WWOX: variants seen among roughly 807,000 people sequenced by gnomAD.
WWOX encodes WW domain-containing oxidoreductase.
In WWOX, 69 loss-of-function variants were observed where a neutral mutation model predicts 46.2. That is an observed-to-expected ratio of 1.49 (90% CI 1.23 to 1.82). WWOX has a LOEUF of 1.82. Among genes scored for constraint, WWOX ranks in the 40% most tolerant of loss-of-function variants. The probability of loss-of-function intolerance (pLI) is 0.00; values close to 1 mark genes in which losing one functional copy is unlikely to be tolerated. For synonymous variants in WWOX, 359 were observed against 202.6 expected (o/e 1.77, Z -6.56); for missense variants, 919 against 542.6 (o/e 1.69, Z -6.89).
intron 8 of WWOX, among the ~76,000 whole-genome samples, chr16:78,568,715 T>TG (rs1283821230): frequency 6.6e-6 from 1 of 152,192 alleles, no homozygotes; most frequent in Non-Finnish European, 1.5e-5. Context: ...CCTTGAGTGA[T>TG]CTACCTGCCT....
chr16:79,051,982 C>T (rs994442378), intron 8 of WWOX, among the ~76,000 whole-genome samples: 4 of 152,084 alleles, frequency 2.6e-5, no homozygotes, highest in African/African-American at 7.2e-5. Context: ...CCACAAGTTA[C>T]TTCGTCCTTC....
At chr16:78,521,128 G>T (rs905223384) in intron 8 of WWOX, among the ~76,000 whole-genome samples, 3 of 152,202 alleles carry the variant, frequency 2.0e-5, no homozygotes, top group Admixed American at 1.3e-4. Flanking sequence ...ACATTTGACA[G>T]CTGTCTTATA....
intron 8 of WWOX, among the ~76,000 whole-genome samples, chr16:78,558,814 A>G (rs1057206141): frequency 5.3e-5 from 8 of 152,284 alleles, no homozygotes; most frequent in African/African-American, 1.9e-4. Context: ...CACCAAACCA[A>G]GTGGCTCTTT....
At chr16:78,153,086 C>G (rs781759700) in intron 4 of WWOX, among the ~76,000 whole-genome samples, 1 of 152,064 alleles carries the variant, frequency 6.6e-6, no homozygotes, top group Non-Finnish European at 1.5e-5. Flanking sequence ...AGCTGTGGAT[C>G]GTGTTTAGTA....
chr16:78,312,167 C>G (rs918191000), intron 5 of WWOX, among the ~76,000 whole-genome samples: 2 of 152,150 alleles, frequency 1.3e-5, no homozygotes, highest in Non-Finnish European at 2.9e-5. Context: ...TCAAGGGTCA[C>G]TTTAAGGTCA....
intron 8 of WWOX, among the ~76,000 whole-genome samples, chr16:79,085,055 T>A (rs574175202): frequency 1.5e-4 from 23 of 152,256 alleles, no homozygotes; most frequent in African/African-American, 5.5e-4. Flanking sequence ...CCTCCCAAAG[T>A]GCTGGGATTA....
chr16:78,508,031 G>A (rs62036420), intron 8 of WWOX, among the ~76,000 whole-genome samples: 21,521 of 143,654 alleles, frequency 0.15, 1,663 homozygotes, highest in Non-Finnish European at 0.17. Context: ...TGTGTGTGAC[G>A]GAGTCTTGCT....
At chr16:79,093,022 T>C (rs1212862328) in intron 8 of WWOX, among the ~76,000 whole-genome samples, 2 of 152,226 alleles carry the variant, frequency 1.3e-5, no homozygotes, top group African/African-American at 2.4e-5. Context: ...AAAACCGCAA[T>C]TACTTTTGCA....
chr16:78,363,966 C>T (rs530544562), intron 5 of WWOX, among the ~76,000 whole-genome samples: 7 of 152,280 alleles, frequency 4.6e-5, no homozygotes, highest in South Asian at 2.1e-4. Context: ...TGCTGACATC[C>T]GACTGACCAA....
intron 4 of WWOX, among the ~76,000 whole-genome samples, chr16:78,141,635 C>T (rs1004300475): frequency 1.3e-5 from 2 of 152,128 alleles, no homozygotes; most frequent in Admixed American, 6.6e-5. Flanking sequence ...GTTACGTAGA[C>T]ATACTTCCAT....
chr16:78,829,228 C>G (rs1448881074), intron 8 of WWOX, among the ~76,000 whole-genome samples: 5 of 152,062 alleles, frequency 3.3e-5, no homozygotes, highest in African/African-American at 9.7e-5. Flanking sequence ...TTATGGAAGC[C>G]CAGAAGTCCC....
chr16:78,894,933 T>C (rs749156101), intron 8 of WWOX, among the ~76,000 whole-genome samples: 1 of 152,152 alleles, frequency 6.6e-6, no homozygotes, highest in South Asian at 2.1e-4. Context: ...CTAATTCTTA[T>C]TACGATAGTT....
intron 8 of WWOX, among the ~76,000 whole-genome samples, chr16:79,070,363 T>C (rs1281442733): frequency 6.6e-6 from 1 of 151,572 alleles, no homozygotes; most frequent in Non-Finnish European, 1.5e-5. Flanking sequence ...GAGAAGTAAA[T>C]TGTGCTTTTA....
intron 4 of WWOX, among the ~76,000 whole-genome samples, chr16:78,132,995 C>T (rs1175524944): frequency 6.6e-6 from 1 of 152,150 alleles, no homozygotes; most frequent in East Asian, 1.9e-4. Flanking sequence ...GGAAAGCGGT[C>T]ATGTTTCTGG....
At chr16:78,952,668 G>C (rs1293115909) in intron 8 of WWOX, among the ~76,000 whole-genome samples, 4 of 152,104 alleles carry the variant, frequency 2.6e-5, no homozygotes, top group Non-Finnish European at 4.4e-5. Flanking sequence ...ACAGGTATGA[G>C]CCACCACACC....
At chr16:79,148,302 A>G (rs1270984398) in intron 8 of WWOX, among the ~76,000 whole-genome samples, 1 of 152,176 alleles carries the variant, frequency 6.6e-6, no homozygotes. Flanking sequence ...GGAACATCTC[A>G]TTGTTTTAGC....
At position 79,211,936 on chromosome 16, in the gene WWOX, GA is replaced by G; in HGVS notation, c.*145del. 2 of 1,538,146 alleles carry G rather than the reference GA, an allele frequency of 1.3e-6. No individual in the cohort carries two copies. Among genetic ancestry groups the G allele is most frequent in the Non-Finnish European group, 1.7e-6 (2 of 1,147,298 alleles). ...GAAATAAGAGCAGTCACAACAGAGT[GA>G]AAAATCTTAAGTACCAATGGGAAGC... On this transcript the variant is annotated 3_prime_UTR_variant, in exon 9 of 9. Coordinates refer to ENST00000566780, the MANE Select transcript of WWOX (RefSeq NM_016373.4).
At chr16:78,806,342 A>G (rs2051037361) in intron 8 of WWOX, among the ~76,000 whole-genome samples, 1 of 152,170 alleles carries the variant, frequency 6.6e-6, no homozygotes, top group African/African-American at 2.4e-5. Context: ...TCCAGTAACA[A>G]TTGTTGCATA....
intron 8 of WWOX, among the ~76,000 whole-genome samples, chr16:78,908,482 G>T (rs1447135895): frequency 4.0e-5 from 6 of 151,722 alleles, no homozygotes; most frequent in African/African-American, 1.5e-4. Flanking sequence ...AGAGGCTGCA[G>T]TGAGTCGAGA....
Sources: allele counts gnomAD v4.1 joint callset (sites outside exome capture counted in the v4.1 genomes callset), GRCh38; gene constraint gnomAD v4.1.1; transcripts MANE v1.5; gene names NCBI Gene and HGNC (gene_info 2026-07-23, HGNC 2026-07-21).